CYP4V2: variants seen among roughly 807,000 people sequenced by gnomAD.
The protein encoded by CYP4V2 is cytochrome P450 4V2.
In CYP4V2, 55 loss-of-function variants were observed where a neutral mutation model predicts 60.8. The ratio of observed to expected loss-of-function variants is 0.90; its 90% CI spans 0.73 to 1.13. The LOEUF (loss-of-function observed/expected upper bound fraction) is 1.13. Among genes scored for constraint, CYP4V2 ranks in the 50% most tolerant of loss-of-function variants. The probability of loss-of-function intolerance (pLI) is 0.00; values close to 1 mark genes in which losing one functional copy is unlikely to be tolerated. For missense variants in CYP4V2, 675 were observed against 662.9 expected (o/e 1.02, Z -0.20); for synonymous variants, 239 against 236.8 (o/e 1.01, Z -0.08).
intron 1 of CYP4V2, among the ~76,000 whole-genome samples, chr4:186,192,940 C>G (rs950295742): frequency 1.3e-5 from 2 of 152,152 alleles, no homozygotes; most frequent in African/African-American, 4.8e-5. Context: ...GCTTGAAGGA[C>G]TTTTTCTCAT....
rs1736731658 is a variant in CYP4V2, at chr4:186,211,770, T to C, written c.*1129T>C. On this transcript the variant is annotated 3_prime_UTR_variant, in exon 11 of 11. Coordinates refer to ENST00000378802, the MANE Select transcript of CYP4V2 (RefSeq NM_207352.4). ...TCTCAGGTTTTAAAAATTATATTAG[T>C]GGGACCAGTTATGACAAGAATAATC... 1 of 151,978 alleles carries C rather than the reference T, an allele frequency of 6.6e-6. No homozygotes were observed. The highest frequency in any genetic ancestry group is 2.4e-5 in the African/African-American group (1 of 41,354). The allele number at this position is 151,978 out of a possible 1,614,324, so 9.4% of individuals were successfully genotyped here. A position where few individuals can be genotyped will look rare whatever the true frequency, so the allele number is the denominator to read the frequency against.
intron 5 of CYP4V2, 34 bp from the exon 6 acceptor site, chr4:186,198,923 T>TA: frequency 6.2e-7 from 1 of 1,613,720 alleles, no homozygotes; most frequent in Non-Finnish European, 8.5e-7. Flanking sequence ...ACATTTCTGA[T>TA]ACAACAGCTG....
intron 7 of CYP4V2, chr4:186,204,844 G>A (rs1034415533): frequency 7.1e-5 from 26 of 363,972 alleles, no homozygotes; most frequent in African/African-American, 1.7e-4. Context: ...ATGGGGGAAG[G>A]CAGAGAAGTA....
Position 186,211,199 on chromosome 4 carries a change from T to C in CYP4V2, c.*558T>C, listed in dbSNP as rs1736708011. On this transcript the variant is annotated 3_prime_UTR_variant, in exon 11 of 11. Transcript: ENST00000378802. ...CAGTTGGCTGTGGTCACAAAAGTAG[T>C]TAATTGTGTCAGCACCCAAATAAAC... 1 of 153,290 alleles carries C rather than the reference T, an allele frequency of 6.5e-6. No individual in the cohort carries two copies. The highest frequency in any genetic ancestry group is 1.5e-5 in the Non-Finnish European group (1 of 68,898). The allele number at this position is 153,290 out of a possible 1,614,324, so 9.5% of individuals were successfully genotyped here. A position where few individuals can be genotyped will look rare whatever the true frequency, so the allele number is the denominator to read the frequency against.
chr4:186,207,290 T>C (rs1736539119), intron 8 of CYP4V2, among the ~76,000 whole-genome samples: 1 of 151,400 alleles, frequency 6.6e-6, no homozygotes, highest in African/African-American at 2.4e-5. Context: ...GTGCCTGTAG[T>C]CCCAGCTACT....
In CYP4V2 at chr4:186,191,611, T is replaced by TAGGCC. The variant is rs1735979037; in HGVS notation, c.-212_-208dup. 1 of 350,636 alleles carries TAGGCC rather than the reference T, an allele frequency of 2.9e-6. No homozygotes were observed. The highest frequency in any genetic ancestry group is 4.9e-5 in the Admixed American group (1 of 20,402). 21.7% of individuals were successfully genotyped at this position (350,636 alleles called of 1,614,324 possible). A position where few individuals can be genotyped will look rare whatever the true frequency, so the allele number is the denominator to read the frequency against. ...GGGGCGTGGAGGCCGCGGTGCTGCG[T>TAGGCC]AGGCCGGGCCGGGCGCAGGAACAGC... is the stretch of plus-strand genomic sequence containing the variant. On this transcript the variant is annotated 5_prime_UTR_variant, in exon 1 of 11. Transcript: ENST00000378802.
At position 186,197,215 on chromosome 4, in the gene CYP4V2, A is replaced by G. The variant is rs187249105; in HGVS notation, c.604+85A>G. 5.3e-6 allele frequency: 8 copies of G among 1,497,658 alleles called. No individual in the cohort carries two copies. The Admixed American group carries it at 1.2e-4, about 22-fold the overall frequency. The allele number at this position is 1,497,658 out of a possible 1,614,324, so 92.8% of individuals were successfully genotyped here. A position where few individuals can be genotyped will look rare whatever the true frequency, so the allele number is the denominator to read the frequency against. On this transcript the variant is annotated intron_variant, in intron 4 of 10. Transcript: ENST00000378802. ...AAATCACACTCCACCGGGAAGGCAA[A>G]TGGGGGGACGGGAAAGGGTGACGGG...
chr4:186,207,098 A>G (rs753002133), intron 8 of CYP4V2, among the ~76,000 whole-genome samples: 3 of 150,528 alleles, frequency 2.0e-5, no homozygotes, highest in Non-Finnish European at 4.4e-5. Context: ...TCTACCCCCA[A>G]TCCTAGTTCT....
At chr4:186,204,138 G>C (rs1736406264) in intron 7 of CYP4V2, 1 of 156,816 alleles carries the variant, frequency 6.4e-6, no homozygotes, top group Non-Finnish European at 1.4e-5. Context: ...AAATGGGTGG[G>C]AAAGAAGGTT....
At chr4:186,205,424 C>G (rs1736469431) in intron 8 of CYP4V2, 122 bp downstream of exon 8, 1 of 1,002,290 alleles carries the variant, frequency 1.0e-6, no homozygotes. Flanking sequence ...CCAGTACCAT[C>G]CCCTTTGCAA....
intron 7 of CYP4V2, chr4:186,204,374 G>T (rs1393829263): frequency 5.7e-6 from 1 of 175,624 alleles, no homozygotes; most frequent in African/African-American, 2.5e-5. Context: ...AAGAGGCGGC[G>T]GTGGAGGCGC....
rs1736468246 is a variant in CYP4V2 at position 186,205,395 on chromosome 4, C to T, written c.1090+93C>T. 1.3e-5 allele frequency: 16 copies of T among 1,259,298 alleles called. 1 individual carries two copies. In the South Asian group the frequency reaches 1.7e-4, roughly 13 times the overall value. The allele number at this position is 1,259,298 out of a possible 1,614,324, so 78.0% of individuals were successfully genotyped here. A position where few individuals can be genotyped will look rare whatever the true frequency, so the allele number is the denominator to read the frequency against. On this transcript the variant is annotated intron_variant, in intron 8 of 10. Transcript: ENST00000378802. ...AAACACAGTGTAATGAGCAGGAAGG[C>T]TCCCCCACGGGATCCTTTCCAGTAC...
At chr4:186,208,723 G>A (rs1736606741) in intron 8 of CYP4V2, 142 bp from the exon 9 acceptor site, 13 of 1,190,786 alleles carry the variant, frequency 1.1e-5, no homozygotes, top group Middle Eastern at 2.4e-4. Context: ...AGCATCCCCT[G>A]CCTTGATCCA....
In CYP4V2 at chr4:186,199,092, C is replaced by G; in HGVS notation, c.801+9C>G. ...ATACTTTTACCAACAGTGTAAGTCC[C>G]TGACTTTTACAATTGTGGTAAAATA... On this transcript the variant is annotated intron_variant, in intron 6 of 10. Coordinates refer to ENST00000378802, the MANE Select transcript of CYP4V2 (RefSeq NM_207352.4). 6.2e-7 allele frequency: 1 copy of G among 1,612,188 alleles called. No homozygotes were observed. Among genetic ancestry groups the G allele is most frequent in the Non-Finnish European group, 8.5e-7 (1 of 1,178,320 alleles).
intron 7 of CYP4V2, 100 bp from the exon 8 acceptor site, chr4:186,205,100 C>T (rs1490289762): frequency 9.4e-7 from 1 of 1,062,958 alleles, no homozygotes; most frequent in Non-Finnish European, 1.5e-6. Flanking sequence ...AGTCACAGTG[C>T]AGTCATCAAA....
At position 186,210,770 on chromosome 4, in the gene CYP4V2, C is replaced by A; in HGVS notation, c.*129C>A. On this transcript the variant is annotated 3_prime_UTR_variant, in exon 11 of 11. Coordinates refer to ENST00000378802, the MANE Select transcript of CYP4V2 (RefSeq NM_207352.4). ...TAGACCTAATTTTTCCTTGATCCCA[C>A]TGATCTTGACATCAAGTCTAACAAA... 1 of 1,043,498 alleles carries A rather than the reference C, an allele frequency of 9.6e-7. No homozygotes were observed. Among genetic ancestry groups the A allele is most frequent in the Non-Finnish European group, 1.4e-6 (1 of 708,466 alleles). 64.6% of individuals were successfully genotyped at this position (1,043,498 alleles called of 1,614,324 possible). A position where few individuals can be genotyped will look rare whatever the true frequency, so the allele number is the denominator to read the frequency against.
In CYP4V2 at chr4:186,197,020, T is replaced by C. The variant is rs762776506; in HGVS notation, c.494T>C (p.Ile165Thr). 1.7e-5 allele frequency: 27 copies of C among 1,613,872 alleles called. No homozygotes were observed. The highest frequency in any genetic ancestry group is 2.2e-5 in the South Asian group (2 of 91,022). ...ACCATTCTGGAAGATTTCTTAGATA[T>C]CATGAATGAACAAGCAAATATATTG... Reference protein sequence around the residue: ...HFTILEDFLDIMNEQANILVK... With the variant: ...HFTILEDFLDTMNEQANILVK... The change falls in exon 4 of 11, where the codon ATC becomes ACC. Residue 165 changes from isoleucine to threonine, a missense_variant. By Grantham distance (89) the Ile-to-Thr change is moderately conservative. Coordinates refer to ENST00000378802, the MANE Select transcript of CYP4V2 (RefSeq NM_207352.4).
intron 7 of CYP4V2, chr4:186,204,851 AGTAC>A (rs1262583573): frequency 2.7e-6 from 1 of 366,996 alleles, no homozygotes; most frequent in African/African-American, 2.1e-5. Flanking sequence ...AAGGCAGAGA[AGTAC>A]AGCCCTGACA....
rs1335096055 is a variant in CYP4V2, at chr4:186,212,334, A to G, written c.*1693A>G. 1 of 152,214 alleles carries G rather than the reference A, an allele frequency of 6.6e-6. No homozygotes were observed. The highest frequency in any genetic ancestry group is 1.5e-5 in the Non-Finnish European group (1 of 68,044). The allele number at this position is 152,214 out of a possible 1,614,324, so 9.4% of individuals were successfully genotyped here. The stretch of plus-strand genomic sequence containing the variant: ...GCCATTCATCTATATTTAGTAACCC[A>G]GTAATATCTCACTTAGTTTAGGGTT... On this transcript the variant is annotated 3_prime_UTR_variant, in exon 11 of 11. Coordinates refer to ENST00000378802, the MANE Select transcript of CYP4V2 (RefSeq NM_207352.4).
Sources: allele counts gnomAD v4.1 joint callset (sites outside exome capture counted in the v4.1 genomes callset), GRCh38; gene constraint gnomAD v4.1.1; transcripts MANE v1.5; gene names NCBI Gene and HGNC (gene_info 2026-07-23, HGNC 2026-07-21).